Variants in GSDME observed in about 807,000 individuals in gnomAD.
GSDME encodes the protein gasdermin E, also known as gasdermin-E.
In GSDME, 44 loss-of-function variants were observed where a neutral mutation model predicts 47.5. That is an observed-to-expected ratio of 0.93 (90% confidence interval 0.73 to 1.19). The LOEUF is 1.19. Among genes scored for constraint, GSDME ranks in the 50% most tolerant of loss-of-function variants. The probability of loss-of-function intolerance (pLI) is 0.00; values close to 1 mark genes in which losing one functional copy is unlikely to be tolerated. For synonymous variants in GSDME, 258 were observed against 252.8 expected (o/e 1.02, Z -0.20); for missense variants, 663 against 604.2 (o/e 1.10, Z -1.02).
intron 1 of GSDME, among the ~76,000 whole-genome samples, chr7:24,752,701 G>A (rs984019764): frequency 2.6e-5 from 4 of 152,158 alleles, no homozygotes; most frequent in Non-Finnish European, 2.9e-5. Flanking sequence ...GTGAGAACTC[G>A]TCCTGCTAGT....
upstream of GSDME, among the ~76,000 whole-genome samples, chr7:24,762,208 C>T (rs1020632287): frequency 2.1e-5 from 3 of 143,162 alleles, no homozygotes; most frequent in African/African-American, 5.2e-5. Context: ...GAGCTGTGAT[C>T]GTGCCACTGT....
chr7:24,730,746 C>T lies in GSDME; in HGVS notation c.405-11528G>A, dbSNP rs546469266. Among the ~76,000 whole-genome samples, 11 of 152,206 alleles carry T rather than the reference C, an allele frequency of 7.2e-5. No homozygotes were observed. In the East Asian group the frequency reaches 7.7e-4, roughly 11 times the overall value. On this transcript the variant is annotated intron_variant, in intron 3 of 9. Transcript: ENST00000645220. ...GGGAGAATTGCTTGAACCCAGGAAGCGGAGGTTGCAGTGAGCTGAGATCGC... is the reference window on the plus strand; with the variant it reads ...GGGAGAATTGCTTGAACCCAGGAAGTGGAGGTTGCAGTGAGCTGAGATCGC...
intron 3 of GSDME, among the ~76,000 whole-genome samples, chr7:24,722,337 C>T (rs959304957): frequency 1.3e-5 from 2 of 152,178 alleles, no homozygotes; most frequent in Non-Finnish European, 2.9e-5. Context: ...AAAAATGGTG[C>T]ATAGCAGATG....
chr7:24,785,354 G>T, the GSDME span, among the ~76,000 whole-genome samples: 4 of 152,200 alleles, frequency 2.6e-5, no homozygotes, highest in African/African-American at 9.7e-5. Flanking sequence ...CATAGTTCCT[G>T]ACCAGAAAAT....
chr7:24,787,995 A>G, the GSDME span, among the ~76,000 whole-genome samples: 1 of 152,160 alleles, frequency 6.6e-6, no homozygotes, highest in Non-Finnish European at 1.5e-5. The surrounding 1 kb of genome is among the most constrained non-coding windows in gnomAD (Gnocchi z 5.0). Flanking sequence ...GTGAGCCACC[A>G]CACTGGCCAA....
the GSDME span, among the ~76,000 whole-genome samples, chr7:24,783,345 G>T: frequency 6.6e-6 from 1 of 152,166 alleles, no homozygotes; most frequent in African/African-American, 2.4e-5. Flanking sequence ...ATAAAATGGG[G>T]ACAGTAAGGG....
chr7:24,768,376 C>G, the GSDME span, among the ~76,000 whole-genome samples: 89,911 of 151,870 alleles, frequency 0.59, 27,299 homozygotes, highest in East Asian at 0.81. This position sits in a 1 kb window ranked among gnomAD's most constrained non-coding sequence, Gnocchi z 5.6. Context: ...TAAGGTGTAG[C>G]GGAGGGAAGG....
At chr7:24,773,222 C>A in the GSDME span, among the ~76,000 whole-genome samples, 1 of 152,180 alleles carries the variant, frequency 6.6e-6, no homozygotes, top group African/African-American at 2.4e-5. This position sits in a 1 kb window ranked among gnomAD's most constrained non-coding sequence, Gnocchi z 5.4. Flanking sequence ...CACTTTAAGC[C>A]CTTGTATGTA....
At chr7:24,730,639 ACC>A (rs1471607726) in intron 3 of GSDME, among the ~76,000 whole-genome samples, 1 of 151,932 alleles carries the variant, frequency 6.6e-6, no homozygotes, top group Non-Finnish European at 1.5e-5. Context: ...ATATGGTGAA[ACC>A]CCGTCTCTAC....
rs546976492 is a variant in GSDME, at chr7:24,748,055, T to C, written c.211+1509A>G. 9.2e-5 allele frequency among the ~76,000 whole-genome samples: 14 copies of C among 151,848 alleles called. No homozygotes were observed. The South Asian group carries it at 2.9e-3, about 32-fold the overall frequency. On this transcript the variant is annotated intron_variant, in intron 2 of 9. Coordinates refer to ENST00000645220, the MANE Select transcript of GSDME (RefSeq NM_001127453.2). The stretch of plus-strand genomic sequence containing the variant: ...AGGAATATTATGTGTTTGTTGAAAA[T>C]TGTATTTAAAAATATTTAAACCTAA...
chr7:24,710,227 G>C lies in GSDME; in HGVS notation c.859C>G (p.Gln287Glu), dbSNP rs1178802900. Residue 287 changes from glutamine to glutamate, a missense_variant, in exon 6 of 10, where the codon CAA (glutamine) becomes GAA (glutamate). Coordinates refer to ENST00000645220, the MANE Select transcript of GSDME (RefSeq NM_001127453.2). ...ACTCCTGCCCTGCTGGCAATACCTT[G>C]CTTTAAAACACTTAATGGTCCATCC... ...SQDGPLSVLK[Q>E]ATLLLERNFH... 1 of 1,613,764 alleles carries C rather than the reference G, an allele frequency of 6.2e-7. No individual in the cohort carries two copies. The highest frequency in any genetic ancestry group is 8.5e-7 in the Non-Finnish European group (1 of 1,180,022).
In GSDME at chr7:24,737,598, C is replaced by T. The variant is rs577795598; in HGVS notation, c.404+6964G>A. ...AAAAAGAATGAATACCAATCCTACT[C>T]AAACTATTCCAAAAAACAGAGAAGG... On this transcript the variant is annotated intron_variant, in intron 3 of 9. Transcript: ENST00000645220. 2.3e-3 allele frequency among the ~76,000 whole-genome samples: 347 copies of T among 152,028 alleles called. 1 individual carries two copies. Among genetic ancestry groups the T allele is most frequent in the Middle Eastern group, 0.01 (3 of 294 alleles).
At position 24,721,915 on chromosome 7, in the gene GSDME, C is replaced by T. The variant is rs753786865; in HGVS notation, c.405-2697G>A. Among the ~76,000 whole-genome samples the T allele has an allele frequency of 1.7e-4, 26 of 152,300 alleles. No individual in the cohort carries two copies. The highest frequency in any genetic ancestry group is 3.4e-3 in the Middle Eastern group (1 of 294). On this transcript the variant is annotated intron_variant, in intron 3 of 9. Coordinates refer to ENST00000645220, the MANE Select transcript of GSDME (RefSeq NM_001127453.2). The surrounding 1 kb of genome is among the most constrained non-coding windows in gnomAD (Gnocchi z 4.1). Reference sequence around the variant, plus strand: ...CTACCCCGAGGCGTTGGCACACATTCCCTGATGGCCACATTTCACTGACTC... The same window carrying T: ...CTACCCCGAGGCGTTGGCACACATTTCCTGATGGCCACATTTCACTGACTC...
rs951137628 is a variant in GSDME at position 24,726,822 on chromosome 7, A to C, written c.405-7604T>G. On this transcript the variant is annotated intron_variant, in intron 3 of 9. Coordinates refer to ENST00000645220, the MANE Select transcript of GSDME (RefSeq NM_001127453.2). This position sits in a 1 kb window ranked among gnomAD's most constrained non-coding sequence, Gnocchi z 5.6. The stretch of plus-strand genomic sequence containing the variant: ...CTCCGTCTCAAAAAAAAAAAAAAAA[A>C]ACCAATGGCCTCGAGGAAGAGTTTC... Among the ~76,000 whole-genome samples the C allele has an allele frequency of 6.6e-5, 10 of 151,144 alleles. No homozygotes were observed. The highest frequency in any genetic ancestry group is 3.3e-4 in the Admixed American group (5 of 15,196).
At position 24,714,031 on chromosome 7, in the gene GSDME, G is replaced by A. The variant is rs557811911; in HGVS notation, c.697+3223C>T. On this transcript the variant is annotated intron_variant, in intron 5 of 9. Coordinates refer to ENST00000645220, the MANE Select transcript of GSDME (RefSeq NM_001127453.2). This position sits in a 1 kb window ranked among gnomAD's most constrained non-coding sequence, Gnocchi z 5.0. The stretch of plus-strand genomic sequence containing the variant: ...AGACGTGCACAGATTCAGGTGCAGC[G>A]TGGGAAACAGGTTCACGCCCACAAG... Among the ~76,000 whole-genome samples the A allele has an allele frequency of 4.6e-4, 70 of 152,366 alleles. No homozygotes were observed. Among genetic ancestry groups the A allele is most frequent in the Non-Finnish European group, 8.5e-4 (58 of 68,032 alleles).
chr7:24,707,881 G>A (rs1415057889), intron 7 of GSDME: 6 of 582,020 alleles, frequency 1.0e-5, no homozygotes, highest in South Asian at 2.4e-5. Flanking sequence ...AAAACTATGA[G>A]AGAATAAATT....
intron 3 of GSDME, among the ~76,000 whole-genome samples, chr7:24,737,163 G>A (rs1366743953): frequency 6.6e-6 from 1 of 151,726 alleles, no homozygotes; most frequent in East Asian, 1.9e-4. Flanking sequence ...GATTAGAACA[G>A]ATATAAATTA....
In GSDME at chr7:24,732,441, A is replaced by C. The variant is rs193224241; in HGVS notation, c.404+12121T>G. Reference sequence around the variant, plus strand: ...GGAACACCAAAGTCAACAACTATCTATATAAAAAAGCACCTTCATCAGAAC... The same window carrying C: ...GGAACACCAAAGTCAACAACTATCTCTATAAAAAAGCACCTTCATCAGAAC... On this transcript the variant is annotated intron_variant, in intron 3 of 9. Coordinates refer to ENST00000645220, the MANE Select transcript of GSDME (RefSeq NM_001127453.2). The surrounding 1 kb of genome is among the most constrained non-coding windows in gnomAD (Gnocchi z 4.8). Among the ~76,000 whole-genome samples the C allele has an allele frequency of 6.6e-6, 1 of 152,222 alleles. No homozygotes were observed. The highest frequency in any genetic ancestry group is 1.5e-5 in the Non-Finnish European group (1 of 68,038).
chr7:24,705,838 G>C lies in GSDME; in HGVS notation c.1183+346C>G. On this transcript the variant is annotated intron_variant, in intron 8 of 9. Transcript: ENST00000645220. The surrounding 1 kb of genome is among the most constrained non-coding windows in gnomAD (Gnocchi z 4.1). ...GGAGAGCAGTTGGCAAATGAAAGTT[G>C]CTGCCACTCAGCTCTGCTGGGACTC... The C allele has an allele frequency of 2.6e-6, 1 of 390,040 alleles. No homozygotes were observed. Among genetic ancestry groups the C allele is most frequent in the Middle Eastern group, 8.3e-4 (1 of 1,200 alleles). 24.2% of individuals were successfully genotyped at this position (390,040 alleles called of 1,614,324 possible).
Sources: gnomAD v4.1 joint callset for allele counts (sites outside exome capture counted in the v4.1 genomes callset) on GRCh38, gnomAD v4.1.1 for gene constraint, Gnocchi (gnomAD v3.1) non-coding constraint, MANE v1.5 for transcripts, NCBI Gene and HGNC (gene_info 2026-07-23, HGNC 2026-07-21) for gene names.